Variants in TSNARE1 observed in about 807,000 individuals in gnomAD.
TSNARE1 encodes the protein t-SNARE domain containing 1.
TSNARE1 carries 49 observed loss-of-function variants against 62.0 expected under a neutral mutation model. The observed-to-expected ratio is 0.79, with a 90% confidence interval of 0.63 to 1.00. TSNARE1 has a LOEUF of 1.00. Ranked by LOEUF, TSNARE1 falls within the 50% of genes least tolerant of loss-of-function variation. The pLI is 0.00. For synonymous variants in TSNARE1, 328 were observed against 294.4 expected (o/e 1.11, Z -1.17); for missense variants, 755 against 700.1 (o/e 1.08, Z -0.88).
intron 13 of TSNARE1, among the ~76,000 whole-genome samples, chr8:142,221,681 CCACT>C (rs111625019): frequency 0.92 from 109,853 of 119,242 alleles, 51,425 homozygotes; most frequent in Middle Eastern, 0.95. Context: ...ATCCACTCAT[CCACT>C]CACTCACTCA....
At chr8:142,285,448 G>C (rs1244656502) in intron 10 of TSNARE1, among the ~76,000 whole-genome samples, 1 of 148,364 alleles carries the variant, frequency 6.7e-6, no homozygotes, top group African/African-American at 2.5e-5. Context: ...GTGTGGGTGG[G>C]TGGGGTAGGT....
chr8:142,375,222 C>A (rs140640746), intron 1 of TSNARE1, among the ~76,000 whole-genome samples: 1 of 152,248 alleles, frequency 6.6e-6, no homozygotes, highest in South Asian at 2.1e-4. Context: ...GAGAATGGGG[C>A]AGTCTCCCAG....
chr8:142,327,020 G>T (rs1038864986), intron 6 of TSNARE1, among the ~76,000 whole-genome samples: 44 of 152,168 alleles, frequency 2.9e-4, no homozygotes, highest in Non-Finnish European at 2.5e-4. Context: ...TGCTGGCGGG[G>T]GTGTAAAATG....
Position 142,222,567 on chromosome 8 carries a change from C to T in TSNARE1, c.*11+6906G>A, listed in dbSNP as rs1457702991. Among the ~76,000 whole-genome samples the T allele has an allele frequency of 1.9e-4, 26 of 138,314 alleles. 1 individual carries two copies. The highest frequency in any genetic ancestry group is 5.5e-4 in the African/African-American group (19 of 34,510). 90.7% of individuals were successfully genotyped at this position (138,314 alleles called of 152,430 possible). The stretch of plus-strand genomic sequence containing the variant: ...ATTCACTCACTCACTCACTCATTCA[C>T]TCACTCAGCCACTCATTCACTCACT... On this transcript the variant is annotated intron_variant, in intron 13 of 13. Transcript: ENST00000524325.
chr8:142,296,720 G>A (rs1004796215), intron 10 of TSNARE1, among the ~76,000 whole-genome samples: 31 of 152,022 alleles, frequency 2.0e-4, no homozygotes, highest in Non-Finnish European at 1.5e-4. Flanking sequence ...CGCCGTGGAA[G>A]CAGCAATGCT....
intron 4 of TSNARE1, among the ~76,000 whole-genome samples, chr8:142,339,287 C>T (rs1041871741): frequency 6.6e-6 from 1 of 152,084 alleles, no homozygotes; most frequent in Non-Finnish European, 1.5e-5. Flanking sequence ...GGATGCGGCT[C>T]AAAGCGAAGT....
intron 1 of TSNARE1, among the ~76,000 whole-genome samples, chr8:142,392,947 G>GAAAAAAAAA (rs374805854): frequency 9.1e-5 from 10 of 109,522 alleles, no homozygotes; most frequent in Non-Finnish European, 1.2e-4. Flanking sequence ...AGGAGAAAAA[G>GAAAAAAAAA]AAAAAAAAAA....
At chr8:142,288,252 G>A (rs545438350) in intron 10 of TSNARE1, among the ~76,000 whole-genome samples, 250 of 152,344 alleles carry the variant, frequency 1.6e-3, no homozygotes, top group African/African-American at 5.8e-3. Flanking sequence ...GAGTCCCTGA[G>A]GCTCGGCCTC....
upstream of TSNARE1, chr8:142,403,826 T>C (rs1260784964): frequency 6.6e-6 from 1 of 152,248 alleles, no homozygotes; most frequent in African/African-American, 2.4e-5. Context: ...GGGACCTCCT[T>C]CCGCAGGGGC....
intron 10 of TSNARE1, among the ~76,000 whole-genome samples, chr8:142,288,339 CA>C (rs1451967151): frequency 2.6e-5 from 4 of 152,266 alleles, no homozygotes; most frequent in African/African-American, 7.2e-5. Context: ...TCAACTTCCA[CA>C]ACCCCAAAAG....
intron 12 of TSNARE1, among the ~76,000 whole-genome samples, chr8:142,262,849 A>G (rs141011217): frequency 6.6e-6 from 1 of 152,282 alleles, no homozygotes; most frequent in African/African-American, 2.4e-5. Flanking sequence ...TAAATTACCC[A>G]GTCTCAGGTA....
chr8:142,333,559 C>T (rs1700321573), intron 4 of TSNARE1, among the ~76,000 whole-genome samples: 1 of 152,290 alleles, frequency 6.6e-6, no homozygotes, highest in Admixed American at 6.5e-5. Context: ...CATGAAGGGA[C>T]ACAGCACCCC....
At chr8:142,270,924 G>A (rs1819470251) in intron 12 of TSNARE1, 1 of 985,410 alleles carries the variant, frequency 1.0e-6, no homozygotes, top group Non-Finnish European at 1.2e-6. Flanking sequence ...GACATCACAG[G>A]TAGACAGCCC....
At position 142,390,373 on chromosome 8, in the gene TSNARE1, A is replaced by C. The variant is rs10099654; in HGVS notation, c.-40+12731T>G. 9.5e-3 allele frequency among the ~76,000 whole-genome samples: 690 copies of C among 72,364 alleles called. 8 individuals are homozygous for C. Among genetic ancestry groups the C allele is most frequent in the African/African-American group, 0.016 (257 of 16,456 alleles). The allele number at this position is 72,364 out of a possible 152,430, so 47.5% of individuals were successfully genotyped here. On this transcript the variant is annotated intron_variant, in intron 1 of 13. Coordinates refer to ENST00000524325, the MANE Select transcript of TSNARE1 (RefSeq NM_145003.5). ...ACACTGCGGGGGACTCCGTAACAGAAGCTGTACACTGCGGGGGACTCCGTA... is the reference window on the plus strand; with the variant it reads ...ACACTGCGGGGGACTCCGTAACAGACGCTGTACACTGCGGGGGACTCCGTA...
chr8:142,369,699 C>A (rs927192039), intron 1 of TSNARE1, among the ~76,000 whole-genome samples: 4 of 152,168 alleles, frequency 2.6e-5, no homozygotes, highest in African/African-American at 9.7e-5. Flanking sequence ...AATGAAGAAG[C>A]TTCTGGAGCT....
intron 1 of TSNARE1, among the ~76,000 whole-genome samples, chr8:142,372,884 C>A (rs938354346): frequency 1.3e-5 from 2 of 152,030 alleles, no homozygotes; most frequent in Admixed American, 1.3e-4. Context: ...GAGAAGGCCA[C>A]CCCACCAGTG....
In TSNARE1 at chr8:142,331,831, G is replaced by T; in HGVS notation, c.746C>A (p.Ala249Asp). The part of the protein sequence containing the change: ...SEGFSLEPPR[A>D]TQVDPCNLQE... Reference sequence around the variant, plus strand: ...GAGGTTGCACGGATCGACCTGGGTGGCTGGGAGAAGACAGGGAGGAGGAAA... The same window carrying T: ...GAGGTTGCACGGATCGACCTGGGTGTCTGGGAGAAGACAGGGAGGAGGAAA... The change falls in exon 5 of 14, where the codon GCC (alanine) becomes GAC (aspartate). Residue 249 changes from alanine (A) to aspartate (D), a missense_variant and splice_region_variant. Coordinates refer to ENST00000524325, the MANE Select transcript of TSNARE1 (RefSeq NM_145003.5). 4 of 1,607,174 alleles carry T rather than the reference G, an allele frequency of 2.5e-6. No homozygotes were observed. Among genetic ancestry groups the T allele is most frequent in the Non-Finnish European group, 3.4e-6 (4 of 1,176,920 alleles).
intron 4 of TSNARE1, among the ~76,000 whole-genome samples, chr8:142,335,692 G>A (rs780050884): frequency 1.3e-5 from 2 of 152,212 alleles, no homozygotes; most frequent in African/African-American, 4.8e-5. Context: ...AAGCCAACAT[G>A]AAGGCCTTAC....
intron 9 of TSNARE1, among the ~76,000 whole-genome samples, chr8:142,301,874 T>C (rs1825840949): frequency 6.6e-6 from 1 of 152,132 alleles, no homozygotes; most frequent in African/African-American, 2.4e-5. Flanking sequence ...GCTGGCACCA[T>C]GCTAAATCAG....
Sources: gnomAD v4.1 joint callset for allele counts (sites outside exome capture counted in the v4.1 genomes callset) on GRCh38, gnomAD v4.1.1 for gene constraint, MANE v1.5 for transcripts, NCBI Gene and HGNC (gene_info 2026-07-23, HGNC 2026-07-21) for gene names.